GAK: variants seen among roughly 807,000 people sequenced by gnomAD.
The protein encoded by GAK is cyclin-G-associated kinase.
Under a neutral mutation model 143.9 loss-of-function variants are expected in GAK, and 79 were observed. That is an observed-to-expected ratio of 0.55 (90% CI 0.46 to 0.66). GAK has a LOEUF of 0.66. Ranked by LOEUF, GAK falls within the 30% of genes least tolerant of loss-of-function variation. The probability of loss-of-function intolerance (pLI) is 0.00; values close to 1 mark genes in which losing one functional copy is unlikely to be tolerated. For synonymous variants in GAK, 881 were observed against 765.5 expected (o/e 1.15, Z -2.49); for missense variants, 1,693 against 1,779.7 (o/e 0.95, Z 0.88).
At chr4:875,174 T>C (rs1442768631) in intron 18 of GAK, among the ~76,000 whole-genome samples, 2 of 152,218 alleles carry the variant, frequency 1.3e-5, no homozygotes, top group Non-Finnish European at 2.9e-5. Context: ...TCATCATCAG[T>C]ACCTTGGTCT....
At chr4:870,935 G>C in intron 18 of GAK, 31 bp from the exon 19 acceptor site, 2 of 1,572,024 alleles carry the variant, frequency 1.3e-6, no homozygotes, top group Non-Finnish European at 8.7e-7. Context: ...CACTTAGGAA[G>C]GCCACCCAAG....
intron 20 of GAK, 48 bp from the exon 21 acceptor site, chr4:867,480 C>G (rs1751420031): frequency 7.1e-7 from 1 of 1,408,960 alleles, no homozygotes; most frequent in African/African-American, 1.5e-5. Context: ...ACACGGCCAG[C>G]ACCAGGGTCC....
chr4:862,585 G>A (rs564620521), intron 23 of GAK, among the ~76,000 whole-genome samples: 1 of 152,116 alleles, frequency 6.6e-6, no homozygotes, highest in South Asian at 2.1e-4. Context: ...GTCAACCCGG[G>A]AGGCGGAGCT....
intron 26 of GAK, 150 bp from the exon 27 acceptor site, chr4:850,218 G>C (rs1747878188): frequency 1.4e-6 from 1 of 706,550 alleles, no homozygotes; most frequent in East Asian, 2.8e-5. Flanking sequence ...TGCACGCCCT[G>C]CCCTCAACTA....
chr4:915,936 G>A (rs933736962), intron 1 of GAK, among the ~76,000 whole-genome samples: 2 of 152,214 alleles, frequency 1.3e-5, no homozygotes, highest in Non-Finnish European at 2.9e-5. Flanking sequence ...ATCTGCAGGT[G>A]ACATGATTAT....
chr4:852,446 CTT>C (rs79401443), intron 24 of GAK: 60 of 163,676 alleles, frequency 3.7e-4, no homozygotes, highest in South Asian at 1.5e-3. Context: ...GATCCCGTAA[CTT>C]TTTTTTTTTG....
intron 5 of GAK, among the ~76,000 whole-genome samples, chr4:902,178 C>T (rs949319961): frequency 2.7e-5 from 4 of 150,714 alleles, no homozygotes; most frequent in Admixed American, 2.0e-4. Flanking sequence ...GCAGAGGCTG[C>T]ATGAGCCGAG....
intron 2 of GAK, 85 bp downstream of exon 2, chr4:913,522 A>G (rs1301910158): frequency 9.7e-7 from 1 of 1,030,290 alleles, no homozygotes; most frequent in African/African-American, 1.6e-5. Flanking sequence ...AGTACGTAAC[A>G]GGGACGCATC....
intron 14 of GAK, 42 bp from the exon 15 acceptor site, chr4:882,082 G>T: frequency 3.2e-6 from 5 of 1,561,080 alleles, no homozygotes; most frequent in Non-Finnish European, 4.3e-6. Flanking sequence ...TCGCACTCAT[G>T]CAGGACAAGG....
At chr4:908,342 CT>C (rs1236156147) in intron 4 of GAK, among the ~76,000 whole-genome samples, 1 of 152,162 alleles carries the variant, frequency 6.6e-6, no homozygotes, top group Non-Finnish European at 1.5e-5. Context: ...ACCAAGCAGC[CT>C]TCTGGATGGA....
At chr4:931,827 G>A (rs565802467) in intron 1 of GAK, among the ~76,000 whole-genome samples, 88 of 152,118 alleles carry the variant, frequency 5.8e-4, no homozygotes, top group Non-Finnish European at 1.0e-3. Flanking sequence ...CGCAATCACC[G>A]CCAGCAGGCA....
intron 23 of GAK, among the ~76,000 whole-genome samples, chr4:864,815 C>T (rs957234325): frequency 1.3e-5 from 2 of 152,300 alleles, no homozygotes; most frequent in African/African-American, 4.8e-5. Context: ...GGCATGAAAT[C>T]GCATCACAGA....
At chr4:870,949 T>C in intron 18 of GAK, 45 bp from the exon 19 acceptor site, 1 of 1,514,386 alleles carries the variant, frequency 6.6e-7, no homozygotes, top group Non-Finnish European at 9.0e-7. Flanking sequence ...ACCCAAGTAG[T>C]CTGTAAGTCC....
At chr4:887,898 TAC>T (rs1334218224) in intron 11 of GAK, 5 of 140,822 alleles carry the variant, frequency 3.6e-5, no homozygotes, top group East Asian at 2.2e-4. Context: ...CACCAGCATT[TAC>T]ACACACATGC....
intron 8 of GAK, 74 bp downstream of exon 8, chr4:893,800 A>G (rs2152861195): frequency 6.8e-7 from 1 of 1,474,858 alleles, no homozygotes; most frequent in Non-Finnish European, 9.1e-7. Flanking sequence ...CCCCAAGGGG[A>G]GCGGGGTCTC....
intron 3 of GAK, chr4:912,074 A>G (rs1471039681): frequency 2.1e-6 from 1 of 475,176 alleles, no homozygotes; most frequent in East Asian, 6.2e-5. Flanking sequence ...TGGCAGGAGG[A>G]GGCAGGGCCC....
chr4:889,915 C>G (rs1231209139), intron 10 of GAK, among the ~76,000 whole-genome samples: 1 of 152,222 alleles, frequency 6.6e-6, no homozygotes. Flanking sequence ...ATCACAGGTG[C>G]CCACTCCTCA....
At chr4:883,652 C>T (rs920714535) in intron 12 of GAK, among the ~76,000 whole-genome samples, 189 bp from the exon 13 acceptor site, 1 of 152,246 alleles carries the variant, frequency 6.6e-6, no homozygotes, top group African/African-American at 2.4e-5. Context: ...GGAGCATGGA[C>T]CCAGCCACAC....
rs887887809 is a variant in GAK at position 859,590 on chromosome 4, G to C, written c.3283+16C>G. 2 of 1,591,184 alleles carry C rather than the reference G, an allele frequency of 1.3e-6. No individual in the cohort carries two copies. The highest frequency in any genetic ancestry group is 2.7e-5 in the African/African-American group (2 of 74,650). The stretch of plus-strand genomic sequence containing the variant: ...AGGAAACAGCTTCCACACCCCCAAA[G>C]TGCCCTCCACGTTACCTTGGAGGCC... On this transcript the variant is annotated intron_variant, in intron 24 of 27. Coordinates refer to ENST00000314167, the MANE Select transcript of GAK (RefSeq NM_005255.4).
Sources: gnomAD v4.1 joint callset for allele counts (sites outside exome capture counted in the v4.1 genomes callset) on GRCh38, gnomAD v4.1.1 for gene constraint, MANE v1.5 for transcripts, NCBI Gene and HGNC (gene_info 2026-07-23, HGNC 2026-07-21) for gene names.